Variants in RBM4B observed in about 807,000 individuals in gnomAD.
RBM4B encodes RNA binding motif protein 4B, also known as RNA-binding protein 4B.
Under a neutral mutation model 28.5 loss-of-function variants are expected in RBM4B, and 13 were observed. The observed-to-expected ratio is 0.46, with a 90% CI of 0.30 to 0.72. RBM4B has a LOEUF of 0.72. Among genes scored for constraint, RBM4B ranks in the 30% least tolerant of loss-of-function variants. The pLI is 0.09. For missense variants in RBM4B, 387 were observed against 477.6 expected (o/e 0.81, Z 1.77); for synonymous variants, 167 against 179.1 (o/e 0.93, Z 0.54).
Position 66,669,055 on chromosome 11 carries a change from C to G in RBM4B, c.649G>C (p.Ala217Pro). 1 of 1,614,202 alleles carries G rather than the reference C, an allele frequency of 6.2e-7. No homozygotes were observed. Among genetic ancestry groups the G allele is most frequent in the Middle Eastern group, 1.6e-4 (1 of 6,062 alleles). The stretch of plus-strand genomic sequence containing the variant: ...CGGTATCGCTTATAGTAGTCGAGTG[C>G]TCCATATGCATCGTTGTAATACATG... ...ESMYYNDAYGALDYYKRYRVR... is the reference protein window; with the variant it reads ...ESMYYNDAYGPLDYYKRYRVR... The change falls in exon 3 of 4, where the codon GCA becomes CCA. Residue 217 changes from alanine (A) to proline (P), a missense_variant. Ala to Pro is a conservative substitution (Grantham distance 27). Transcript: ENST00000310046.
chr11:66,675,421 C>T (rs1340067870), intron 2 of RBM4B: 2 of 152,204 alleles, frequency 1.3e-5, no homozygotes, highest in Non-Finnish European at 2.9e-5. Flanking sequence ...TTGCCCTATG[C>T]TTTAAAGAGC....
chr11:66,674,865 C>A (rs1939593217), intron 2 of RBM4B, among the ~76,000 whole-genome samples: 1 of 152,184 alleles, frequency 6.6e-6, no homozygotes, highest in African/African-American at 2.4e-5. Flanking sequence ...GCACCGCACC[C>A]TGCCTGTATT....
Position 66,668,794 on chromosome 11 carries a change from T to C in RBM4B, c.910A>G (p.Ser304Gly). ...TTSSYYGRDR[S>G]PLRRAAAMLP... is the part of the protein sequence containing the mutation. ...ATGGCTGCAGCACGACGCAGTGGGC[T>C]CCTGTCCCTTCCATAGTAGGAGGAA... The change falls in exon 3 of 4, where the codon AGC becomes GGC. Residue 304 changes from serine to glycine, a missense_variant. Ser to Gly is a moderately conservative substitution (Grantham distance 56). This residue lies in a region of RBM4B where 226 missense variants were observed against 220.6 expected (regional missense o/e 1.02). Coordinates refer to ENST00000310046, the MANE Select transcript of RBM4B (RefSeq NM_031492.4). The C allele has an allele frequency of 6.2e-7, 1 of 1,614,192 alleles. No individual in the cohort carries two copies. Among genetic ancestry groups the C allele is most frequent in the Non-Finnish European group, 8.5e-7 (1 of 1,180,030 alleles).
In RBM4B at chr11:66,677,020, T is replaced by C; in HGVS notation, c.60A>G (p.Ser20=). 6.2e-7 allele frequency: 1 copy of C among 1,613,864 alleles called. No homozygotes were observed. ...GCACCTTCCCATACTGCTCGAAGAG[T>C]GAGCGAATCTCCTGCTCTGTAGCCT... ...PREATEQEIR[S]LFEQYGKVLE... Residue 20 remains serine, a synonymous_variant, in exon 2 of 4, where the codon TCA becomes TCG. Coordinates refer to ENST00000310046, the MANE Select transcript of RBM4B (RefSeq NM_031492.4).
At chr11:66,677,363 C>T in intron 1 of RBM4B, 1 of 503,336 alleles carries the variant, frequency 2.0e-6, no homozygotes, top group Non-Finnish European at 3.5e-6. Context: ...TTAGCTGCTT[C>T]ATGTCTTAAA....
In RBM4B at chr11:66,676,720, C is replaced by T; in HGVS notation, c.360G>A (p.Arg120=). 6.2e-7 allele frequency: 1 copy of T among 1,614,054 alleles called. No homozygotes were observed. Among genetic ancestry groups the T allele is most frequent in the Non-Finnish European group, 8.5e-7 (1 of 1,180,002 alleles). Residue 120 remains arginine, a synonymous_variant, in exon 2 of 4, where the codon CGG becomes CGA. Coordinates refer to ENST00000310046, the MANE Select transcript of RBM4B (RefSeq NM_031492.4). ...TGATGGCCTCCACTGCATCCTCTGCCCGCTCCATGTGTACGAAGGCATAAT... is the reference window on the plus strand; with the variant it reads ...TGATGGCCTCCACTGCATCCTCTGCTCGCTCCATGTGTACGAAGGCATAAT... The part of the protein sequence containing the change: ...VKDYAFVHME[R]AEDAVEAIRG...
At chr11:66,676,526 C>G in intron 2 of RBM4B, 142 bp downstream of exon 2, 1 of 1,029,282 alleles carries the variant, frequency 9.7e-7, no homozygotes. Flanking sequence ...GTAAATTATG[C>G]TTAAGAGCGG....
rs531379743 is a variant in RBM4B at position 66,673,272 on chromosome 11, A to G, written c.412+3396T>C. On this transcript the variant is annotated intron_variant, in intron 2 of 3. Coordinates refer to ENST00000310046, the MANE Select transcript of RBM4B (RefSeq NM_031492.4). ...TGGGAATAGCTTCTTTAGGTCTTCC[A>G]ATACAAACTATGTGTCTAAGGAAAT... Among the ~76,000 whole-genome samples the G allele has an allele frequency of 2.0e-5, 3 of 152,320 alleles. No homozygotes were observed. The East Asian group carries it at 5.8e-4, about 29-fold the overall frequency.
chr11:66,672,739 C>G (rs546990332), intron 2 of RBM4B, among the ~76,000 whole-genome samples: 1 of 152,058 alleles, frequency 6.6e-6, no homozygotes, highest in Non-Finnish European at 1.5e-5. Flanking sequence ...TCAGGTGATC[C>G]GCCTGTCTCG....
In RBM4B at chr11:66,676,722, G is replaced by C. The variant is rs760376120; in HGVS notation, c.358C>G (p.Arg120Gly). Residue 120 changes from arginine to glycine, a missense_variant, in exon 2 of 4, where the codon CGG becomes GGG. This residue lies in a region of RBM4B where 161 missense variants were observed against 256.9 expected (regional missense o/e 0.63). Coordinates refer to ENST00000310046, the MANE Select transcript of RBM4B (RefSeq NM_031492.4). ...VKDYAFVHME[R>G]AEDAVEAIRG... is the part of the protein sequence containing the mutation. ...ATGGCCTCCACTGCATCCTCTGCCC[G>C]CTCCATGTGTACGAAGGCATAATCT... is the stretch of plus-strand genomic sequence containing the variant. 1 of 1,613,810 alleles carries C rather than the reference G, an allele frequency of 6.2e-7. No individual in the cohort carries two copies. Among genetic ancestry groups the C allele is most frequent in the Non-Finnish European group, 8.5e-7 (1 of 1,179,964 alleles).
chr11:66,674,693 G>A (rs1033221386), intron 2 of RBM4B, among the ~76,000 whole-genome samples: 2 of 151,594 alleles, frequency 1.3e-5, no homozygotes, highest in South Asian at 2.1e-4. Flanking sequence ...TCAGCCTCCC[G>A]AGTAGCTGGG....
At position 66,665,802 on chromosome 11, in the gene RBM4B, A is replaced by G. The variant is rs2135225673; in HGVS notation, c.*10-224T>C. Reference sequence around the variant, plus strand: ...GGCTATATATATAGGACAAGATGCAATCTAGCTGAAGAATGTGTTGGTGAT... The same window carrying G: ...GGCTATATATATAGGACAAGATGCAGTCTAGCTGAAGAATGTGTTGGTGAT... On this transcript the variant is annotated intron_variant, in intron 3 of 3. Transcript: ENST00000310046. The G allele has an allele frequency of 4.1e-6, 6 of 1,448,104 alleles. No individual in the cohort carries two copies. The South Asian group carries it at 7.7e-5, about 18-fold the overall frequency. The allele number at this position is 1,448,104 out of a possible 1,614,324, so 89.7% of individuals were successfully genotyped here.
intron 2 of RBM4B, 39 bp downstream of exon 2, chr11:66,676,629 C>T: frequency 6.2e-7 from 1 of 1,604,374 alleles, no homozygotes; most frequent in Non-Finnish European, 8.5e-7. Flanking sequence ...TTGAGCTAGA[C>T]CCCACTCGGC....
intron 2 of RBM4B, among the ~76,000 whole-genome samples, chr11:66,673,448 C>A (rs1939533831): frequency 6.6e-6 from 1 of 152,170 alleles, no homozygotes; most frequent in African/African-American, 2.4e-5. Context: ...AAAAGATGTT[C>A]AAGTGGCACT....
At chr11:66,676,582 A>G in intron 2 of RBM4B, 86 bp downstream of exon 2, 1 of 1,457,858 alleles carries the variant, frequency 6.9e-7, no homozygotes, top group Non-Finnish European at 9.4e-7. Flanking sequence ...GGAAGAGACC[A>G]CCCAGCAAGT....
rs1172095715 is a variant in RBM4B at position 66,668,718 on chromosome 11, G to A, written c.986C>T (p.Ser329Phe). ...ATTCCGTGTAGCTGCGGAAGCCTGA[G>A]ATAATTCACTCTCTGGCCCATAACC... Reference protein sequence around the residue: ...GYGYGPESELSQASAATRNSL... With the variant: ...GYGYGPESELFQASAATRNSL... The change falls in exon 3 of 4, where the codon TCT becomes TTT. Residue 329 changes from serine (S) to phenylalanine (F), a missense_variant. By Grantham distance (155) the Ser-to-Phe change is radical (BLOSUM62 -2). Transcript: ENST00000310046. 3 of 1,614,198 alleles carry A rather than the reference G, an allele frequency of 1.9e-6. No homozygotes were observed. The highest frequency in any genetic ancestry group is 2.5e-6 in the Non-Finnish European group (3 of 1,180,026).
At chr11:66,674,261 TCC>T (rs1461918367) in intron 2 of RBM4B, among the ~76,000 whole-genome samples, 1 of 150,646 alleles carries the variant, frequency 6.6e-6, no homozygotes, top group Non-Finnish European at 1.5e-5. Flanking sequence ...TCTTGCTCTG[TCC>T]CCCAGGCTGG....
chr11:66,665,759 A>C (rs1939206934), intron 3 of RBM4B, 181 bp from the exon 4 acceptor site: 2 of 1,308,786 alleles, frequency 1.5e-6, no homozygotes, highest in African/African-American at 3.0e-5. Flanking sequence ...CAATAGCTAT[A>C]TATAGGAATC....
At chr11:66,666,912 T>TTG (rs1183905701) in intron 3 of RBM4B, 1 of 114,902 alleles carries the variant, frequency 8.7e-6, no homozygotes, top group East Asian at 2.1e-4. Context: ...GCTTTTTAAT[T>TTG]TTTTTTTTTT....
Sources: gnomAD v4.1 joint callset for allele counts (sites outside exome capture counted in the v4.1 genomes callset) on GRCh38, gnomAD v4.1.1 for gene constraint, gnomAD v4.1.1 regional missense constraint, MANE v1.5 for transcripts, NCBI Gene and HGNC (gene_info 2026-07-23, HGNC 2026-07-21) for gene names.